Variants in FHOD3 observed in about 807,000 individuals in gnomAD.
The protein encoded by FHOD3 is formin homology 2 domain containing 3.
FHOD3 carries 90 observed loss-of-function variants against 173.0 expected under a neutral mutation model. The observed-to-expected ratio is 0.52, with a 90% CI of 0.44 to 0.62. The LOEUF is 0.62. FHOD3 is among the 20% of genes least tolerant of loss of function. The pLI is 0.00. For missense variants in FHOD3, 1,945 were observed against 2,034.7 expected (o/e 0.96, Z 0.85); for synonymous variants, 828 against 823.0 (o/e 1.01, Z -0.10).
At chr18:36,756,953 C>A in intron 25 of FHOD3, among the ~76,000 whole-genome samples, 1 of 152,108 alleles carries the variant, frequency 6.6e-6, no homozygotes, top group East Asian at 1.9e-4. Flanking sequence ...TCCACTTGGG[C>A]AAACTGTGGC....
At chr18:36,535,204 A>T (rs2056947262) in intron 5 of FHOD3, among the ~76,000 whole-genome samples, 1 of 152,176 alleles carries the variant, frequency 6.6e-6, no homozygotes, top group Non-Finnish European at 1.5e-5. Context: ...TAGGTGAAAT[A>T]TATAGTTTTC....
chr18:36,384,133 T>C (rs1398321552), intron 3 of FHOD3, among the ~76,000 whole-genome samples: 1 of 152,130 alleles, frequency 6.6e-6, no homozygotes, highest in Non-Finnish European at 1.5e-5. Context: ...CCGAGTGTGG[T>C]GGCTCACACC....
intron 3 of FHOD3, among the ~76,000 whole-genome samples, chr18:36,392,179 CAT>C (rs1376041588): frequency 6.6e-6 from 1 of 152,160 alleles, no homozygotes; most frequent in African/African-American, 2.4e-5. Context: ...ATGAGACAGT[CAT>C]AGGGTTTTGG....
intron 3 of FHOD3, among the ~76,000 whole-genome samples, chr18:36,473,319 C>A (rs144883819): frequency 0.018 from 2,694 of 152,320 alleles, 78 homozygotes; most frequent in African/African-American, 0.062. Context: ...GAGGCTAAGG[C>A]AGGAGAATTG....
At chr18:36,721,485 A>T (rs1356669912) in intron 19 of FHOD3, among the ~76,000 whole-genome samples, 1 of 152,078 alleles carries the variant, frequency 6.6e-6, no homozygotes, top group Non-Finnish European at 1.5e-5. Context: ...TATAAAATGT[A>T]CACACACGCA....
intron 4 of FHOD3, among the ~76,000 whole-genome samples, chr18:36,510,577 A>G (rs1333215181): frequency 6.6e-6 from 1 of 152,178 alleles, no homozygotes; most frequent in African/African-American, 2.4e-5. Context: ...CTTTTTCACC[A>G]TGAAGTCATG....
intron 8 of FHOD3, among the ~76,000 whole-genome samples, chr18:36,605,537 C>A (rs1305132577): frequency 6.6e-6 from 1 of 152,174 alleles, no homozygotes; most frequent in South Asian, 2.1e-4. Context: ...GTAATCCTTT[C>A]CTTAACTCAT....
chr18:36,773,854 C>A (rs2043505337), intron 28 of FHOD3, among the ~76,000 whole-genome samples: 1 of 152,206 alleles, frequency 6.6e-6, no homozygotes, highest in Non-Finnish European at 1.5e-5. Context: ...TTTTTACCCC[C>A]AGAATGCTTG....
intron 3 of FHOD3, among the ~76,000 whole-genome samples, chr18:36,475,083 A>G (rs1272418308): frequency 6.6e-6 from 1 of 151,074 alleles, no homozygotes; most frequent in Admixed American, 6.6e-5. Flanking sequence ...AGCTTGGACT[A>G]TTTCTTTCTT....
In FHOD3 at chr18:36,720,666, C is replaced by G. The variant is rs115475945; in HGVS notation, c.3417+1951C>G. Among the ~76,000 whole-genome samples, 347 of 152,158 alleles carry G rather than the reference C, an allele frequency of 2.3e-3. 2 individuals are homozygous for G. The highest frequency in any genetic ancestry group is 8.1e-3 in the African/African-American group (336 of 41,502). On this transcript the variant is annotated intron_variant, in intron 19 of 28. Transcript: ENST00000590592. Reference sequence around the variant, plus strand: ...TGACACCACCTTCCAACCTACTGACCTAATTGGACAGAATATTCCTCCTCC... The same window carrying G: ...TGACACCACCTTCCAACCTACTGACGTAATTGGACAGAATATTCCTCCTCC...
intron 1 of FHOD3, among the ~76,000 whole-genome samples, chr18:36,335,482 G>A (rs544849826): frequency 5.5e-4 from 81 of 147,182 alleles, no homozygotes; most frequent in African/African-American, 2.1e-3. Context: ...GCGACAGAGC[G>A]AGACTCCGTC....
rs1266880383 is a variant in FHOD3 at position 36,743,626 on chromosome 18, CT to C, written c.3880-405del. Among the ~76,000 whole-genome samples, 3 of 152,288 alleles carry C rather than the reference CT, an allele frequency of 2.0e-5. No individual in the cohort carries two copies. The East Asian group carries it at 5.8e-4, about 29-fold the overall frequency. ...CATGTGCCCTGGTAGTTTGCTGCCC[CT>C]ATCAACCCATCACCTAGGTATTAAG... On this transcript the variant is annotated intron_variant, in intron 22 of 28. Transcript: ENST00000590592.
intron 9 of FHOD3, among the ~76,000 whole-genome samples, chr18:36,617,374 C>T (rs570297403): frequency 4.5e-4 from 69 of 152,254 alleles, no homozygotes; most frequent in African/African-American, 1.6e-3. Context: ...TAAATGGAAT[C>T]GTATCTTTTG....
At chr18:36,605,681 A>G (rs1185997035) in intron 8 of FHOD3, among the ~76,000 whole-genome samples, 1 of 152,218 alleles carries the variant, frequency 6.6e-6, no homozygotes, top group Non-Finnish European at 1.5e-5. Context: ...TAAATGCGTT[A>G]AACAAGTCAT....
chr18:36,298,487 G>A (rs1378980023), intron 1 of FHOD3, among the ~76,000 whole-genome samples: 4 of 152,210 alleles, frequency 2.6e-5, no homozygotes, highest in Admixed American at 1.3e-4. Context: ...GGGCGGCCAC[G>A]CGACCCTCGC....
chr18:36,775,307 A>G (rs1014772984), intron 28 of FHOD3, among the ~76,000 whole-genome samples: 1 of 152,266 alleles, frequency 6.6e-6, no homozygotes. Context: ...GTGAAAGCGC[A>G]CAGATGGATT....
intron 14 of FHOD3, among the ~76,000 whole-genome samples, chr18:36,665,323 C>T (rs2149265643): frequency 6.6e-6 from 1 of 152,328 alleles, no homozygotes; most frequent in East Asian, 1.9e-4. Flanking sequence ...GAATCAGACA[C>T]AGTCCCTGAC....
chr18:36,469,174 C>T (rs371972311), intron 3 of FHOD3, among the ~76,000 whole-genome samples: 1 of 152,082 alleles, frequency 6.6e-6, no homozygotes, highest in East Asian at 1.9e-4. Context: ...CATCCTAAAC[C>T]CCAGCCCCCA....
chr18:36,319,639 A>G (rs1182209586), intron 1 of FHOD3, among the ~76,000 whole-genome samples: 2 of 152,340 alleles, frequency 1.3e-5, no homozygotes, highest in East Asian at 1.9e-4. Context: ...AAGCGGACCT[A>G]ATAGACATCT....
Sources: allele counts gnomAD v4.1 joint callset (sites outside exome capture counted in the v4.1 genomes callset), GRCh38; gene constraint gnomAD v4.1.1; transcripts MANE v1.5; gene names NCBI Gene and HGNC (gene_info 2026-07-23, HGNC 2026-07-21).